The following CFAP299 variants were observed in gnomAD, a reference collection of about 807,000 sequenced individuals.
CFAP299 encodes cilia- and flagella-associated protein 299.
A neutral mutation model predicts 27.0 loss-of-function variants in CFAP299; 21 were observed. That is an observed-to-expected ratio of 0.78 (90% CI 0.55 to 1.12). CFAP299 has a LOEUF of 1.12. Ranked by LOEUF, CFAP299 falls within the 50% of genes most tolerant of loss-of-function variation. The probability of loss-of-function intolerance (pLI) is 0.00; values close to 1 mark genes in which losing one functional copy is unlikely to be tolerated. For missense variants in CFAP299, 310 were observed against 276.6 expected, an observed-to-expected ratio of 1.12 and a Z score of -0.86; for synonymous variants, 104 against 98.1, an observed-to-expected ratio of 1.06 and a Z score of -0.36.
rs376922413 is a variant in CFAP299 at position 80,703,560 on chromosome 4, T to C, written c.333+120377T>C. 2.6e-5 allele frequency among the ~76,000 whole-genome samples: 4 copies of C among 151,626 alleles called. No individual in the cohort carries two copies. In the East Asian group the frequency reaches 7.7e-4, roughly 29 times the overall value. ...CTTACCCATTTTCCTGAATTTAAATTGTTTCTGCTTATATTTTGGTGGTTT... is the reference window on the plus strand; with the variant it reads ...CTTACCCATTTTCCTGAATTTAAATCGTTTCTGCTTATATTTTGGTGGTTT... On this transcript the variant is annotated intron_variant, in intron 3 of 5. Transcript: ENST00000358105.
At chr4:80,855,297 T>C (rs1161304477) in intron 3 of CFAP299, among the ~76,000 whole-genome samples, 1 of 152,176 alleles carries the variant, frequency 6.6e-6, no homozygotes, top group Non-Finnish European at 1.5e-5. Context: ...ACCAATGATA[T>C]ATGATGTAAT....
chr4:80,495,158 C>T (rs567593096), intron 2 of CFAP299, among the ~76,000 whole-genome samples: 3 of 152,210 alleles, frequency 2.0e-5, no homozygotes, highest in African/African-American at 7.2e-5. Context: ...TGTTTCTCCA[C>T]AATGCTAAAA....
intron 2 of CFAP299, among the ~76,000 whole-genome samples, chr4:80,403,807 C>G (rs1015876678): frequency 2.6e-5 from 4 of 152,142 alleles, no homozygotes; most frequent in African/African-American, 9.7e-5. Context: ...TTTCTCTTTG[C>G]TCACCTCTGT....
intron 2 of CFAP299, among the ~76,000 whole-genome samples, chr4:80,411,179 A>G (rs1236417598): frequency 6.6e-6 from 1 of 152,186 alleles, no homozygotes; most frequent in Non-Finnish European, 1.5e-5. Flanking sequence ...CATTTCAAAT[A>G]AGCCATGGAG....
intron 3 of CFAP299, among the ~76,000 whole-genome samples, chr4:80,821,614 T>C (rs181049241): frequency 6.6e-6 from 1 of 152,274 alleles, no homozygotes; most frequent in Admixed American, 6.5e-5. Context: ...AATTTTAAAG[T>C]AGCACCTAAA....
At chr4:80,795,302 T>C (rs1313849205) in intron 3 of CFAP299, among the ~76,000 whole-genome samples, 1 of 152,172 alleles carries the variant, frequency 6.6e-6, no homozygotes, top group Non-Finnish European at 1.5e-5. Context: ...TGAATCAGTA[T>C]ATAATTGCAC....
At chr4:80,662,820 T>G (rs1159683378) in intron 3 of CFAP299, among the ~76,000 whole-genome samples, 3 of 152,160 alleles carry the variant, frequency 2.0e-5, no homozygotes, top group Admixed American at 6.6e-5. Flanking sequence ...GCCAGCACTT[T>G]GGCTGATGAC....
intron 4 of CFAP299, among the ~76,000 whole-genome samples, chr4:80,902,898 A>G (rs970549440): frequency 6.6e-6 from 1 of 152,044 alleles, no homozygotes; most frequent in Non-Finnish European, 1.5e-5. Flanking sequence ...ACATATATAT[A>G]TATACAAACA....
intron 3 of CFAP299, among the ~76,000 whole-genome samples, chr4:80,665,645 G>GA (rs1741109748): frequency 6.6e-6 from 1 of 152,034 alleles, no homozygotes; most frequent in Non-Finnish European, 1.5e-5. Context: ...TGAACAAAAG[G>GA]AAAAAACATT....
intron 2 of CFAP299, among the ~76,000 whole-genome samples, chr4:80,436,235 A>G (rs757274510): frequency 3.9e-5 from 6 of 151,926 alleles, no homozygotes; most frequent in Non-Finnish European, 8.8e-5. Flanking sequence ...AGGTGTGGCC[A>G]TGTGACTTAT....
intron 2 of CFAP299, among the ~76,000 whole-genome samples, chr4:80,516,398 C>T (rs1041329801): frequency 6.6e-6 from 1 of 152,068 alleles, no homozygotes; most frequent in African/African-American, 2.4e-5. Flanking sequence ...GCTTATGGTT[C>T]TGTGGGCTAT....
intron 4 of CFAP299, 57 bp downstream of exon 4, chr4:80,870,192 A>G (rs1194312344): frequency 1.7e-5 from 26 of 1,520,682 alleles, no homozygotes; most frequent in African/African-American, 2.8e-5. Context: ...TTTTTATTTT[A>G]TGGTCTACAT....
intron 2 of CFAP299, among the ~76,000 whole-genome samples, chr4:80,417,565 T>C (rs1164431988): frequency 2.0e-5 from 3 of 152,178 alleles, no homozygotes; most frequent in Non-Finnish European, 4.4e-5. Context: ...ATTTTGATGA[T>C]AATAAGCCAC....
At chr4:80,522,167 C>A (rs1188492950) in intron 2 of CFAP299, among the ~76,000 whole-genome samples, 1 of 151,494 alleles carries the variant, frequency 6.6e-6, no homozygotes, top group Admixed American at 6.6e-5. Context: ...ATTTATTTTT[C>A]TTTATTTATT....
At chr4:80,593,346 G>A (rs1448315662) in intron 3 of CFAP299, among the ~76,000 whole-genome samples, 1 of 152,170 alleles carries the variant, frequency 6.6e-6, no homozygotes, top group Non-Finnish European at 1.5e-5. Flanking sequence ...AGTCTCAGAA[G>A]AATCAATTTA....
intron 4 of CFAP299, among the ~76,000 whole-genome samples, chr4:80,916,976 C>T (rs1455274301): frequency 2.0e-5 from 3 of 151,518 alleles, no homozygotes; most frequent in Non-Finnish European, 2.9e-5. Flanking sequence ...AAGCACAGAG[C>T]AGTATGAAGA....
chr4:80,676,679 G>A (rs1042740181), intron 3 of CFAP299, among the ~76,000 whole-genome samples: 7 of 151,930 alleles, frequency 4.6e-5, no homozygotes, highest in African/African-American at 1.4e-4. Context: ...ATTCAATCTC[G>A]GTAGGTTTTA....
chr4:80,708,006 T>C (rs181089398), intron 3 of CFAP299, among the ~76,000 whole-genome samples: 1 of 152,030 alleles, frequency 6.6e-6, no homozygotes, highest in Non-Finnish European at 1.5e-5. Flanking sequence ...TTCTCAACCA[T>C]GAGGAACAAT....
At chr4:80,749,567 C>T (rs1320151993) in intron 3 of CFAP299, among the ~76,000 whole-genome samples, 2 of 152,196 alleles carry the variant, frequency 1.3e-5, no homozygotes, top group African/African-American at 4.8e-5. Flanking sequence ...AACTTCAAAA[C>T]TCAGGAAGCT....
Sources: allele counts gnomAD v4.1 joint callset (sites outside exome capture counted in the v4.1 genomes callset), GRCh38; gene constraint gnomAD v4.1.1; transcripts MANE v1.5; gene names NCBI Gene and HGNC (gene_info 2026-07-23, HGNC 2026-07-21).